ESRRG: variants seen among roughly 807,000 people sequenced by gnomAD.
ESRRG encodes the protein estrogen related receptor gamma, also known as estrogen-related receptor gamma.
Under a neutral mutation model 44.0 loss-of-function variants are expected in ESRRG, and 13 were observed. The observed-to-expected ratio is 0.30, with a 90% CI of 0.19 to 0.47. The LOEUF (loss-of-function observed/expected upper bound fraction) is 0.47, where lower values mean the gene tolerates loss of function less well. Among genes scored for constraint, ESRRG ranks in the 20% least tolerant of loss-of-function variants. The pLI, the probability that ESRRG is intolerant of heterozygous loss-of-function variation, is 1.00. For missense variants in ESRRG, 395 were observed against 580.6 expected (o/e 0.68, Z 3.29); for synonymous variants, 215 against 214.6 (o/e 1.00, Z -0.02).
chr1:216,955,669 A>G (rs2067824657), intron 1 of ESRRG, among the ~76,000 whole-genome samples: 1 of 152,182 alleles, frequency 6.6e-6, no homozygotes, highest in African/African-American at 2.4e-5. Context: ...CCAGCAGTGT[A>G]TAAGACTTCC....
chr1:217,017,168 T>C (rs2079519529), intron 1 of ESRRG, among the ~76,000 whole-genome samples: 1 of 152,138 alleles, frequency 6.6e-6, no homozygotes. Context: ...CAATGACCAG[T>C]TGTACAGCTG....
chr1:216,873,400 T>TG (rs1559940887), intron 2 of ESRRG, among the ~76,000 whole-genome samples: 1 of 151,736 alleles, frequency 6.6e-6, no homozygotes, highest in Non-Finnish European at 1.5e-5. Flanking sequence ...TTAGTAGAGA[T>TG]GGGGTTTCGC....
chr1:216,890,623 A>G (rs1419166866), intron 2 of ESRRG, among the ~76,000 whole-genome samples: 1 of 152,188 alleles, frequency 6.6e-6, no homozygotes, highest in African/African-American at 2.4e-5. Flanking sequence ...AGCAATTCCA[A>G]TGTATAGAAG....
At chr1:216,802,448 T>G (rs565739957) in intron 2 of ESRRG, among the ~76,000 whole-genome samples, 2 of 152,234 alleles carry the variant, frequency 1.3e-5, no homozygotes, top group African/African-American at 4.8e-5. Flanking sequence ...AAGTTGTAGT[T>G]GGAAAAGAAA....
chr1:216,839,144 A>G (rs930211968), intron 2 of ESRRG, among the ~76,000 whole-genome samples: 2 of 152,204 alleles, frequency 1.3e-5, no homozygotes, highest in East Asian at 3.9e-4. Context: ...AGTTTATGTA[A>G]TATTGTAAAT....
At chr1:216,872,761 A>G (rs2096276019) in intron 2 of ESRRG, among the ~76,000 whole-genome samples, 1 of 152,164 alleles carries the variant, frequency 6.6e-6, no homozygotes, top group Non-Finnish European at 1.5e-5. Context: ...GTTTCTCCAA[A>G]AGGCTGTTAG....
chr1:216,676,581 G>A (rs1355937851), intron 2 of ESRRG, among the ~76,000 whole-genome samples: 3 of 152,076 alleles, frequency 2.0e-5, no homozygotes, highest in African/African-American at 4.8e-5. Context: ...TCTCAGGCAG[G>A]CCCCCACCCC....
chr1:217,118,837 A>T (rs1411703223), intron 1 of ESRRG, among the ~76,000 whole-genome samples: 1 of 152,006 alleles, frequency 6.6e-6, no homozygotes, highest in Non-Finnish European at 1.5e-5. Context: ...AGAAAAAAAA[A>T]TAAAAAAGTA....
intron 2 of ESRRG, among the ~76,000 whole-genome samples, chr1:216,834,663 A>T (rs17044101): frequency 6.6e-6 from 1 of 152,122 alleles, no homozygotes; most frequent in South Asian, 2.1e-4. Context: ...GAAAATTAAA[A>T]GACAGGTCAA....
At chr1:216,821,373 G>T (rs1432524941) in intron 2 of ESRRG, among the ~76,000 whole-genome samples, 1 of 152,018 alleles carries the variant, frequency 6.6e-6, no homozygotes, top group Non-Finnish European at 1.5e-5. Context: ...TATTTGTGGG[G>T]ATCTTAATGG....
chr1:216,951,751 GTGTGTGTA>G (rs1247259643), intron 1 of ESRRG, among the ~76,000 whole-genome samples: 1 of 132,378 alleles, frequency 7.6e-6, no homozygotes. Context: ...GTGTGTGTGT[GTGTGTGTA>G]TACAGCAAAA....
At chr1:217,133,657 T>TTCTTTCTTTCTTTCTTTCTC (rs2093004490) in intron 1 of ESRRG, among the ~76,000 whole-genome samples, 1 of 59,064 alleles carries the variant, frequency 1.7e-5, no homozygotes, top group Non-Finnish European at 3.6e-5. Context: ...CTTTCTTTCT[T>TTCTTTCTTTCTTTCTTTCTC]TCTTTCTTTC....
chr1:216,704,632 C>A (rs898671512), intron 1 of ESRRG, among the ~76,000 whole-genome samples: 6 of 152,180 alleles, frequency 3.9e-5, no homozygotes, highest in South Asian at 2.1e-4. Context: ...AAAAAAAATT[C>A]TCTTTTCATG....
chr1:216,901,832 T>A (rs2149489752), intron 2 of ESRRG, among the ~76,000 whole-genome samples: 1 of 152,256 alleles, frequency 6.6e-6, no homozygotes. Context: ...TGATCATAGC[T>A]CATTGTAGTC....
chr1:216,523,354 T>C (rs911579115), intron 5 of ESRRG, among the ~76,000 whole-genome samples: 2 of 152,126 alleles, frequency 1.3e-5, no homozygotes, highest in African/African-American at 2.4e-5. Flanking sequence ...TTTGGAAGGA[T>C]TGAAAAGCTT....
At chr1:216,588,600 C>A (rs1186312291) in intron 3 of ESRRG, among the ~76,000 whole-genome samples, 2 of 152,146 alleles carry the variant, frequency 1.3e-5, no homozygotes, top group Non-Finnish European at 2.9e-5. Context: ...TTAATTCTTA[C>A]AATTCTGTGC....
chr1:216,949,179 C>T (rs758612433), intron 1 of ESRRG, among the ~76,000 whole-genome samples: 2 of 152,234 alleles, frequency 1.3e-5, no homozygotes, highest in Non-Finnish European at 2.9e-5. Flanking sequence ...CTCCAGCTCC[C>T]TCCTTCTGGA....
intron 2 of ESRRG, among the ~76,000 whole-genome samples, chr1:216,932,846 G>A (rs1327094380): frequency 6.7e-6 from 1 of 148,874 alleles, no homozygotes. Context: ...AGAATTACAG[G>A]AATGAGCCAC....
intron 1 of ESRRG, among the ~76,000 whole-genome samples, chr1:216,987,033 A>T (rs997174532): frequency 2.0e-5 from 3 of 152,222 alleles, no homozygotes; most frequent in Non-Finnish European, 4.4e-5. Flanking sequence ...GTTGTCAAAG[A>T]AGAGGCAATC....
Sources: gnomAD v4.1 joint callset for allele counts (sites outside exome capture counted in the v4.1 genomes callset) on GRCh38, gnomAD v4.1.1 for gene constraint, MANE v1.5 for transcripts, NCBI Gene and HGNC (gene_info 2026-07-23, HGNC 2026-07-21) for gene names.